Variants in FNIP2 observed in about 807,000 individuals in gnomAD.
FNIP2 encodes the protein folliculin interacting protein 2.
FNIP2 carries 32 observed loss-of-function variants against 108.7 expected under a neutral mutation model. That is an observed-to-expected ratio of 0.29 (90% confidence interval 0.22 to 0.40). FNIP2 has a LOEUF of 0.40. FNIP2 is among the 10% of genes least tolerant of loss of function. The probability of loss-of-function intolerance (pLI) is 1.00; values close to 1 mark genes in which losing one functional copy is unlikely to be tolerated. For synonymous variants in FNIP2, 480 were observed against 496.7 expected (o/e 0.97, Z 0.45); for missense variants, 1,202 against 1,381.6 (o/e 0.87, Z 2.06).
chr4:158,874,824 A>T (rs1226559203), intron 14 of FNIP2, among the ~76,000 whole-genome samples: 1 of 152,002 alleles, frequency 6.6e-6, no homozygotes, highest in African/African-American at 2.4e-5. Flanking sequence ...CATGCCTGTG[A>T]TCCCAGCACT....
rs1183314179 is a variant in FNIP2, at chr4:158,869,343, G to A, written c.2707G>A (p.Glu903Lys). The A allele has an allele frequency of 3.1e-6, 5 of 1,613,268 alleles. No individual in the cohort carries two copies. Among genetic ancestry groups the A allele is most frequent in the South Asian group, 1.1e-5 (1 of 90,946 alleles). The change falls in exon 13 of 17, where the codon GAA (glutamate) becomes AAA (lysine). Residue 903 changes from glutamate to lysine, a missense_variant. By Grantham distance (56) the Glu-to-Lys change is moderately conservative. Around this residue, in one of 5 missense-constraint regions of FNIP2, gnomAD observed 878 missense variants for 990.3 expected, o/e 0.89. Transcript: ENST00000264433. ...TAGCGCCCTGGGAGACAGTGACGAC[G>A]AAGCCTGCGCTTCAGCCATGCTAGA... Reference protein sequence around the residue: ...SDSALGDSDDEACASAMLDLG... With the variant: ...SDSALGDSDDKACASAMLDLG...
intron 2 of FNIP2, among the ~76,000 whole-genome samples, chr4:158,828,472 T>C (rs536007789): frequency 4.6e-5 from 7 of 152,166 alleles, no homozygotes; most frequent in Non-Finnish European, 7.4e-5. Flanking sequence ...AAAAATTAGC[T>C]GGGCGTGATG....
chr4:158,790,484 G>A (rs1409689675), intron 1 of FNIP2, among the ~76,000 whole-genome samples: 2 of 152,102 alleles, frequency 1.3e-5, no homozygotes, highest in African/African-American at 4.8e-5. Context: ...TGGGCATGGT[G>A]GCTCACGTCT....
chr4:158,850,935 G>A (rs1008723630), intron 7 of FNIP2, among the ~76,000 whole-genome samples: 2 of 151,818 alleles, frequency 1.3e-5, no homozygotes, highest in African/African-American at 4.8e-5. Context: ...CTCTTATTTC[G>A]TTTAATTTGT....
chr4:158,870,503 G>A (rs1394858224), intron 14 of FNIP2, 34 bp downstream of exon 14: 1 of 1,575,358 alleles, frequency 6.3e-7, no homozygotes, highest in Non-Finnish European at 8.6e-7. Context: ...TCTGGCTGCT[G>A]ACAGTGTGTC....
rs560259198 is a variant in FNIP2, at chr4:158,780,312, T to G, written c.107+10993T>G. Among the ~76,000 whole-genome samples the G allele has an allele frequency of 2.0e-5, 3 of 152,334 alleles. No homozygotes were observed. In the East Asian group the frequency reaches 5.8e-4, roughly 29 times the overall value. Reference sequence around the variant, plus strand: ...CCTTGTTAATTAGTGAAGACATAATTGTAGAATATGTACATAAATGACTTC... The same window carrying G: ...CCTTGTTAATTAGTGAAGACATAATGGTAGAATATGTACATAAATGACTTC... On this transcript the variant is annotated intron_variant, in intron 1 of 16. Transcript: ENST00000264433.
At chr4:158,883,912 G>A (rs1781865408) in intron 14 of FNIP2, among the ~76,000 whole-genome samples, 3 of 148,716 alleles carry the variant, frequency 2.0e-5, no homozygotes, top group Admixed American at 2.0e-4. Context: ...TGAGTTCCTA[G>A]ACTTTATTTC....
intron 12 of FNIP2, among the ~76,000 whole-genome samples, 187 bp downstream of exon 12, chr4:158,861,963 C>T (rs1341597168): frequency 1.3e-5 from 2 of 152,154 alleles, no homozygotes; most frequent in African/African-American, 4.8e-5. Flanking sequence ...TTTTCCCCTA[C>T]TGGCAGCTTT....
chr4:158,891,704 A>G, intron 15 of FNIP2, 58 bp downstream of exon 15: 1 of 1,438,618 alleles, frequency 7.0e-7, no homozygotes, highest in Non-Finnish European at 9.5e-7. Context: ...TTTTAACGAC[A>G]TTTTGATTAT....
At position 158,904,768 on chromosome 4, in the gene FNIP2, T is replaced by G; in HGVS notation, c.*224T>G. 1 of 509,638 alleles carries G rather than the reference T, an allele frequency of 2.0e-6. No homozygotes were observed. The highest frequency in any genetic ancestry group is 3.5e-6 in the Non-Finnish European group (1 of 282,936). 31.6% of individuals were successfully genotyped at this position (509,638 alleles called of 1,614,324 possible). A position where few individuals can be genotyped will look rare whatever the true frequency, so the allele number is the denominator to read the frequency against. On this transcript the variant is annotated 3_prime_UTR_variant, in exon 17 of 17. Transcript: ENST00000264433. ...GATTGTCGTGAACACTTTAGGCCAT[T>G]TGTTACCCATGAATCAACAAAGAAA...
chr4:158,833,677 T>C, intron 6 of FNIP2, 49 bp downstream of exon 6: 1 of 1,510,328 alleles, frequency 6.6e-7, no homozygotes, highest in Non-Finnish European at 9.2e-7. Flanking sequence ...TACACTATTG[T>C]GGGTGTGTGT....
chr4:158,883,244 T>G (rs1008760246), intron 14 of FNIP2, among the ~76,000 whole-genome samples: 4 of 77,764 alleles, frequency 5.1e-5, no homozygotes, highest in African/African-American at 1.4e-4. Context: ...GTGTTTTTTG[T>G]TTTTTTTGTT....
intron 1 of FNIP2, among the ~76,000 whole-genome samples, chr4:158,802,417 G>A (rs186763821): frequency 1.5e-4 from 23 of 152,122 alleles, no homozygotes; most frequent in African/African-American, 5.5e-4. Context: ...ATACTGAGAG[G>A]AGAAAGATTC....
intron 1 of FNIP2, among the ~76,000 whole-genome samples, chr4:158,819,195 G>A (rs1267676128): frequency 6.6e-6 from 1 of 152,166 alleles, no homozygotes; most frequent in African/African-American, 2.4e-5. Context: ...GTGTGCAGAA[G>A]GAATGAACTC....
At chr4:158,775,069 T>C (rs1775815639) in intron 1 of FNIP2, among the ~76,000 whole-genome samples, 1 of 152,228 alleles carries the variant, frequency 6.6e-6, no homozygotes, top group Non-Finnish European at 1.5e-5. Flanking sequence ...CTAAGGAAGC[T>C]ACTTTGCCGT....
rs778985422 is a variant in FNIP2 at position 158,833,602 on chromosome 4, G to A, written c.629G>A (p.Gly210Asp). Reference sequence around the variant, plus strand: ...CTGAACACAAATCAAAATAGTTTGGGTCCTTGTCGTACTGGAAGTAACCTA... The same window carrying A: ...CTGAACACAAATCAAAATAGTTTGGATCCTTGTCGTACTGGAAGTAACCTA... The part of the protein sequence containing the change: ...GKLNTNQNSL[G>D]PCRTGSNLAH... The change falls in exon 6 of 17, where the codon GGT becomes GAT. Residue 210 changes from glycine to aspartate, a missense_variant. Physicochemically the swap from Gly to Asp is moderately conservative, Grantham distance 94. Around this residue, in one of 5 missense-constraint regions of FNIP2, gnomAD observed 878 missense variants for 990.3 expected, o/e 0.89. Coordinates refer to ENST00000264433, the MANE Select transcript of FNIP2 (RefSeq NM_020840.3). The A allele has an allele frequency of 1.9e-6, 3 of 1,612,528 alleles. No homozygotes were observed. The highest frequency in any genetic ancestry group is 1.3e-5 in the African/African-American group (1 of 74,780).
In FNIP2 at chr4:158,868,117, C is replaced by A; in HGVS notation, c.1481C>A (p.Ala494Asp). ...LWAQLGDLYG[A>D]IGSPVRLTRT... ...TGCTCTCTAGGTGATCTTTACGGAG[C>A]CATAGGCTCTCCAGTGAGACTGACT... The change falls in exon 13 of 17, where the codon GCC (alanine) becomes GAC (aspartate). Residue 494 changes from alanine (A) to aspartate (D), a missense_variant. This residue lies in a region of FNIP2 where 878 missense variants were observed against 990.3 expected (regional missense o/e 0.89). Coordinates refer to ENST00000264433, the MANE Select transcript of FNIP2 (RefSeq NM_020840.3). This position sits in a 1 kb window ranked among gnomAD's most constrained non-coding sequence, Gnocchi z 4.6. The A allele has an allele frequency of 6.2e-7, 1 of 1,613,942 alleles. No homozygotes were observed. The highest frequency in any genetic ancestry group is 8.5e-7 in the Non-Finnish European group (1 of 1,179,838).
chr4:158,871,784 G>A, intron 14 of FNIP2: 14 of 984,948 alleles, frequency 1.4e-5, no homozygotes, highest in Non-Finnish European at 1.7e-5. Flanking sequence ...TTATAGTTAT[G>A]AACACCATAT....
At chr4:158,809,673 T>C (rs1486060319) in intron 1 of FNIP2, among the ~76,000 whole-genome samples, 1 of 152,176 alleles carries the variant, frequency 6.6e-6, no homozygotes, top group East Asian at 1.9e-4. Context: ...TTGTGAATCA[T>C]TGTTGCTCTG....
Sources: gnomAD v4.1 joint callset for allele counts (sites outside exome capture counted in the v4.1 genomes callset) on GRCh38, gnomAD v4.1.1 for gene constraint, gnomAD v4.1.1 regional missense constraint, Gnocchi (gnomAD v3.1) non-coding constraint, MANE v1.5 for transcripts, NCBI Gene and HGNC (gene_info 2026-07-23, HGNC 2026-07-21) for gene names.